HNRNPUL1: variants seen among roughly 807,000 people sequenced by gnomAD.
The protein encoded by HNRNPUL1 is heterogeneous nuclear ribonucleoprotein U-like protein 1.
HNRNPUL1 carries 14 observed loss-of-function variants against 108.5 expected under a neutral mutation model. The observed-to-expected ratio is 0.13, with a 90% CI of 0.09 to 0.20. The LOEUF (loss-of-function observed/expected upper bound fraction) is 0.20, where lower values mean the gene tolerates loss of function less well. HNRNPUL1 is among the 10% of genes least tolerant of loss of function. HNRNPUL1 has a pLI of 1.00. For synonymous variants in HNRNPUL1, 422 were observed against 445.2 expected, an observed-to-expected ratio of 0.95 and a Z score of 0.66; for missense variants, 804 against 1,168.3, an observed-to-expected ratio of 0.69 and a Z score of 4.55.
intron 2 of HNRNPUL1, among the ~76,000 whole-genome samples, chr19:41,270,413 T>A (rs934969663): frequency 1.3e-5 from 2 of 152,156 alleles, no homozygotes; most frequent in Non-Finnish European, 2.9e-5. Flanking sequence ...AAAAAATTTT[T>A]TTTTTAATTA....
chr19:41,276,455 C>T (rs776963747), intron 5 of HNRNPUL1, 157 bp downstream of exon 5: 4 of 685,416 alleles, frequency 5.8e-6, no homozygotes, highest in Non-Finnish European at 9.2e-6. Flanking sequence ...AAGACAACTA[C>T]ATCATTGCTA....
rs999765424 is a variant in HNRNPUL1, at chr19:41,291,435, A to G, written c.1000-810A>G. ...CTGCGGTGGCTTTCCTTCATCTGTT[A>G]TATTCATAGACTGCCCTTTCTGGGT... is the stretch of plus-strand genomic sequence containing the variant. On this transcript the variant is annotated intron_variant, in intron 7 of 14. Transcript: ENST00000392006. 2.0e-5 allele frequency among the ~76,000 whole-genome samples: 3 copies of G among 152,110 alleles called. No homozygotes were observed. The East Asian group carries it at 5.8e-4, about 30-fold the overall frequency.
chr19:41,303,895 G>A, intron 12 of HNRNPUL1, 77 bp from the exon 13 acceptor site: 1 of 1,528,746 alleles, frequency 6.5e-7, no homozygotes, highest in Non-Finnish European at 8.8e-7. Flanking sequence ...GCTCACAGTA[G>A]TCACCAAGAC....
intron 2 of HNRNPUL1, 25 bp downstream of exon 2, chr19:41,268,370 T>G: frequency 1.9e-6 from 3 of 1,609,526 alleles, no homozygotes; most frequent in Non-Finnish European, 8.5e-7. Context: ...ATGGTTCATC[T>G]CTTTGGATGG....
At chr19:41,265,606 G>T (rs931812234) in intron 1 of HNRNPUL1, among the ~76,000 whole-genome samples, 63 of 152,270 alleles carry the variant, frequency 4.1e-4, no homozygotes, top group Middle Eastern at 3.4e-3. Flanking sequence ...GAGGCTGGCG[G>T]GGGAGAGGAT....
chr19:41,264,742 C>T lies in HNRNPUL1; in HGVS notation c.239C>T (p.Pro80Leu), dbSNP rs1230254792. The change falls in exon 1 of 15, where the codon CCG becomes CTG. Residue 80 changes from proline (P) to leucine (L), a missense_variant. Pro to Leu is a moderately conservative substitution (Grantham distance 98, BLOSUM62 -3). This residue lies in a region of HNRNPUL1 where 256 missense variants were observed against 261.6 expected (regional missense o/e 0.98). Transcript: ENST00000392006. The part of the protein sequence containing the change: ...SELEGTAQPP[P>L]PGLQPHAEPG... ...CTGGAGGGGACCGCGCAGCCACCGC[C>T]GCCCGGGCTGCAGCCGCACGCGGAG... is the stretch of plus-strand genomic sequence containing the variant. 2.1e-6 allele frequency: 3 copies of T among 1,399,780 alleles called. No individual in the cohort carries two copies. In the Admixed American group the frequency reaches 9.0e-5, roughly 42 times the overall value. The allele number at this position is 1,399,780 out of a possible 1,614,324, so 86.7% of individuals were successfully genotyped here.
At chr19:41,279,667 G>C (rs774002702) in intron 6 of HNRNPUL1, among the ~76,000 whole-genome samples, 1 of 152,114 alleles carries the variant, frequency 6.6e-6, no homozygotes, top group Non-Finnish European at 1.5e-5. Context: ...ATGACCTTCT[G>C]GTCCCAAGTG....
intron 1 of HNRNPUL1, 52 bp from the exon 2 acceptor site, chr19:41,268,171 G>C: frequency 6.3e-7 from 1 of 1,597,554 alleles, no homozygotes; most frequent in Non-Finnish European, 8.5e-7. Flanking sequence ...CTTTGGTCCA[G>C]GGTTCTTCAT....
rs1599789867 is a variant in HNRNPUL1 at position 41,279,095 on chromosome 19, G to A, written c.805G>A (p.Val269Met). 3 of 1,613,870 alleles carry A rather than the reference G, an allele frequency of 1.9e-6. No homozygotes were observed. The highest frequency in any genetic ancestry group is 2.5e-6 in the Non-Finnish European group (3 of 1,179,938). The change falls in exon 6 of 15, where the codon GTG (valine) becomes ATG (methionine). Residue 269 changes from valine (V) to methionine (M), a missense_variant. Coordinates refer to ENST00000392006, the MANE Select transcript of HNRNPUL1 (RefSeq NM_007040.6). ...TCCTCAGATCAATGAGGAAATCTCCGTGAAGCACCTTCCGTCTACAGAGCC... is the reference window on the plus strand; with the variant it reads ...TCCTCAGATCAATGAGGAAATCTCCATGAAGCACCTTCCGTCTACAGAGCC... ...FEMKINEEISVKHLPSTEPDP... is the reference protein window; with the variant it reads ...FEMKINEEISMKHLPSTEPDP...
intron 4 of HNRNPUL1, among the ~76,000 whole-genome samples, chr19:41,275,686 A>G (rs2035508082): frequency 6.6e-6 from 1 of 152,066 alleles, no homozygotes; most frequent in African/African-American, 2.4e-5. Flanking sequence ...TCCCTACTCA[A>G]AGGGAGAGAG....
Position 41,264,443 on chromosome 19 carries a change from A to G in HNRNPUL1, c.-61A>G, listed in dbSNP as rs2034676960. 3 of 1,296,412 alleles carry G rather than the reference A, an allele frequency of 2.3e-6. No individual in the cohort carries two copies. The highest frequency in any genetic ancestry group is 3.0e-6 in the Non-Finnish European group (3 of 1,011,428). 80.3% of individuals were successfully genotyped at this position (1,296,412 alleles called of 1,614,324 possible). On this transcript the variant is annotated 5_prime_UTR_variant, in exon 1 of 15. Coordinates refer to ENST00000392006, the MANE Select transcript of HNRNPUL1 (RefSeq NM_007040.6). ...CTTCGCCTCCTGACAGGAAAGGTTTAAGGGGGACAGAGCCCTGGGAGGCCG... is the reference window on the plus strand; with the variant it reads ...CTTCGCCTCCTGACAGGAAAGGTTTGAGGGGGACAGAGCCCTGGGAGGCCG...
chr19:41,302,912 AG>A lies in HNRNPUL1; in HGVS notation c.1940del (p.Gly647GlufsTer268), dbSNP rs1451726686. ...GGNRGGFQNRGGGSGGGGNYR... is the reference protein window; with the variant it reads ...GGNRGGFQNRXGGSGGGGNYR... ...GCAACCGTGGCGGCTTCCAGAACCG[AG>A]GGGGAGGCAGCGGTGGAGGAGGCAA... On this transcript the variant is annotated frameshift_variant, in exon 12 of 15. Transcript: ENST00000392006. LOFTEE classifies it high-confidence loss of function. 1 of 1,532,830 alleles carries A rather than the reference AG, an allele frequency of 6.5e-7. No homozygotes were observed. The highest frequency in any genetic ancestry group is 8.8e-7 in the Non-Finnish European group (1 of 1,141,148). 95.0% of individuals were successfully genotyped at this position (1,532,830 alleles called of 1,614,324 possible).
rs1023015931 is a variant in HNRNPUL1, at chr19:41,296,783, A to G, written c.1518+2097A>G. 3.3e-5 allele frequency among the ~76,000 whole-genome samples: 5 copies of G among 152,354 alleles called. No homozygotes were observed. The Middle Eastern group carries it at 0.014, about 415-fold the overall frequency. On this transcript the variant is annotated intron_variant, in intron 10 of 14. Coordinates refer to ENST00000392006, the MANE Select transcript of HNRNPUL1 (RefSeq NM_007040.6). The stretch of plus-strand genomic sequence containing the variant: ...GGTGGAATTTCCAAAGGGGAAACCC[A>G]TACTACAGGCAAAATCCCTGCAGTT...
At chr19:41,265,430 G>C in intron 1 of HNRNPUL1, 2 of 1,431,856 alleles carry the variant, frequency 1.4e-6, no homozygotes, top group South Asian at 2.8e-5. Context: ...AGTTTGGCTA[G>C]TGAGCATTTA....
intron 10 of HNRNPUL1, among the ~76,000 whole-genome samples, chr19:41,301,098 T>G (rs2037184926): frequency 6.6e-6 from 1 of 152,236 alleles, no homozygotes; most frequent in Non-Finnish European, 1.5e-5. Context: ...ACATAGATAT[T>G]TCTAAAAGTG....
intron 5 of HNRNPUL1, 112 bp from the exon 6 acceptor site, chr19:41,278,965 C>A: frequency 1.3e-6 from 1 of 780,640 alleles, no homozygotes; most frequent in Non-Finnish European, 2.2e-6. Flanking sequence ...TCTTCTCCAG[C>A]AAGAAAAGCC....
chr19:41,263,032 C>T (rs563398852), upstream of HNRNPUL1: 12 of 132,962 alleles, frequency 9.0e-5, no homozygotes, highest in Non-Finnish European at 1.3e-4. Context: ...AAGAGCGAGA[C>T]TCCGTCTCAA....
intron 8 of HNRNPUL1, among the ~76,000 whole-genome samples, chr19:41,293,684 G>C (rs142614816): frequency 2.0e-5 from 3 of 152,194 alleles, no homozygotes; most frequent in African/African-American, 7.2e-5. Context: ...ATTGCAGGGG[G>C]CGGGGAATGG....
rs886390648 is a variant in HNRNPUL1, at chr19:41,272,163, A to G, written c.500A>G (p.Gln167Arg). The change falls in exon 3 of 15, where the codon CAA becomes CGA. Residue 167 changes from glutamine (Q) to arginine (R), a missense_variant. Transcript: ENST00000392006. ...TCTCAACTCAAGCCAGACAGGCAGC[A>G]ATTCCAGAGTCGAAAGAGGCCTTAT... ...EASQLKPDRQ[Q>R]FQSRKRPYEE... The G allele has an allele frequency of 1.5e-5, 24 of 1,614,044 alleles. No individual in the cohort carries two copies. The highest frequency in any genetic ancestry group is 2.0e-5 in the Non-Finnish European group (24 of 1,180,014).
Sources: gnomAD v4.1 joint callset for allele counts (sites outside exome capture counted in the v4.1 genomes callset) on GRCh38, gnomAD v4.1.1 for gene constraint, gnomAD v4.1.1 regional missense constraint, MANE v1.5 for transcripts, NCBI Gene and HGNC (gene_info 2026-07-23, HGNC 2026-07-21) for gene names.